The following SNX13 variants were observed in gnomAD, a reference collection of about 807,000 sequenced individuals.
The protein encoded by SNX13 is sorting nexin-13.
SNX13 carries 45 observed loss-of-function variants against 133.6 expected under a neutral mutation model. The ratio of observed to expected loss-of-function variants is 0.34; its 90% confidence interval spans 0.27 to 0.43. The LOEUF is 0.43. Ranked by LOEUF, SNX13 falls within the 20% of genes least tolerant of loss-of-function variation. SNX13 has a pLI of 1.00. For synonymous variants in SNX13, 414 were observed against 373.9 expected (o/e 1.11, Z -1.24); for missense variants, 1,032 against 1,145.1 (o/e 0.90, Z 1.43).
At chr7:17,818,124 C>A (rs945761673) in intron 18 of SNX13, among the ~76,000 whole-genome samples, 2 of 152,154 alleles carry the variant, frequency 1.3e-5, no homozygotes, top group African/African-American at 4.8e-5. Flanking sequence ...ACCCTACCAT[C>A]TACAAGCCAA....
chr7:17,816,374 T>C (rs767562537), intron 18 of SNX13, 85 bp from the exon 19 acceptor site: 10 of 1,444,738 alleles, frequency 6.9e-6, no homozygotes, highest in Middle Eastern at 1.9e-4. Context: ...ATTAAAAACA[T>C]CTTCAGGCCA....
intron 22 of SNX13, among the ~76,000 whole-genome samples, chr7:17,799,482 A>T (rs1784397776): frequency 6.6e-6 from 1 of 151,764 alleles, no homozygotes; most frequent in Non-Finnish European, 1.5e-5. Context: ...TGATAAGGCA[A>T]ATGCTAGACC....
At chr7:17,881,593 G>C (rs1795356500) in intron 5 of SNX13, 1 of 152,014 alleles carries the variant, frequency 6.6e-6, no homozygotes, top group Non-Finnish European at 1.5e-5. Context: ...AAGGCCTTTT[G>C]ATCAACTGAC....
intron 11 of SNX13, among the ~76,000 whole-genome samples, chr7:17,848,988 CCAGTGCATT>C: frequency 6.6e-6 from 1 of 152,314 alleles, no homozygotes; most frequent in South Asian, 2.1e-4. Flanking sequence ...GACCAAGTCA[CCAGTGCATT>C]CCTACTTACA....
intron 1 of SNX13, among the ~76,000 whole-genome samples, chr7:17,929,692 T>G (rs1801171017): frequency 6.6e-6 from 1 of 152,180 alleles, no homozygotes; most frequent in African/African-American, 2.4e-5. Context: ...AAGCATAATA[T>G]GCAAGTGTAC....
intron 18 of SNX13, among the ~76,000 whole-genome samples, chr7:17,819,520 C>T (rs1273919350): frequency 6.6e-6 from 1 of 152,158 alleles, no homozygotes; most frequent in Non-Finnish European, 1.5e-5. Flanking sequence ...AGGCACCGCG[C>T]TTGGCATTGG....
intron 20 of SNX13, among the ~76,000 whole-genome samples, chr7:17,813,431 G>T (rs2128296595): frequency 6.6e-6 from 1 of 152,238 alleles, no homozygotes; most frequent in East Asian, 1.9e-4. Flanking sequence ...CCACACCCTA[G>T]AACTTATTAT....
chr7:17,912,415 C>CTT (rs34849896), intron 1 of SNX13, among the ~76,000 whole-genome samples: 12,097 of 147,742 alleles, frequency 0.082, 540 homozygotes, highest in South Asian at 0.15. Context: ...GAGGAAAATG[C>CTT]TTTTTTTTTT....
At chr7:17,895,471 A>G (rs902589562) in intron 2 of SNX13, among the ~76,000 whole-genome samples, 113 of 152,330 alleles carry the variant, frequency 7.4e-4, no homozygotes, top group African/African-American at 2.7e-3. Context: ...AACACTTGAC[A>G]AGAATAAACT....
intron 9 of SNX13, among the ~76,000 whole-genome samples, chr7:17,853,163 G>C (rs1052127935): frequency 1.3e-5 from 2 of 152,178 alleles, no homozygotes; most frequent in Admixed American, 6.5e-5. Flanking sequence ...ACCAGTGTAG[G>C]TTTCTTTTTT....
intron 2 of SNX13, among the ~76,000 whole-genome samples, chr7:17,895,543 T>C (rs1189542493): frequency 2.0e-5 from 3 of 152,170 alleles, no homozygotes; most frequent in East Asian, 1.9e-4. Flanking sequence ...GACCCTACCA[T>C]GTGACTCTTA....
chr7:17,920,919 T>C (rs751063319), intron 1 of SNX13, among the ~76,000 whole-genome samples: 15 of 152,146 alleles, frequency 9.9e-5, no homozygotes, highest in Non-Finnish European at 1.6e-4. Context: ...AGTAAAGAAA[T>C]AGTAAAGGCT....
At chr7:17,865,821 C>T (rs1210307058) in intron 9 of SNX13, among the ~76,000 whole-genome samples, 1 of 152,076 alleles carries the variant, frequency 6.6e-6, no homozygotes, top group Non-Finnish European at 1.5e-5. Flanking sequence ...ATAGAGAACA[C>T]AGAAATAAAC....
rs535350696 is a variant in SNX13 at position 17,858,586 on chromosome 7, T to C, written c.838-7622A>G. On this transcript the variant is annotated intron_variant, in intron 9 of 25. Coordinates refer to ENST00000428135, the MANE Select transcript of SNX13 (RefSeq NM_015132.5). ...CCTAAATTCATCTATAGATTCAATG[T>C]AATCACAGTTAAAATTCTAATAGGT... Among the ~76,000 whole-genome samples the C allele has an allele frequency of 3.3e-5, 5 of 152,214 alleles. No individual in the cohort carries two copies. The South Asian group carries it at 1.0e-3, about 32-fold the overall frequency.
chr7:17,929,527 A>T (rs10244826), intron 1 of SNX13, among the ~76,000 whole-genome samples: 5,586 of 151,618 alleles, frequency 0.037, 323 homozygotes, highest in African/African-American at 0.13. Flanking sequence ...ACATATTTTT[A>T]AAAAAAAAGA....
chr7:17,889,067 T>A (rs146554394), intron 5 of SNX13: 244 of 167,166 alleles, frequency 1.5e-3, no homozygotes, highest in African/African-American at 5.5e-3. Context: ...AGTGTTGCTA[T>A]AGAAAGCAAT....
intron 1 of SNX13, among the ~76,000 whole-genome samples, chr7:17,901,257 G>A (rs909267066): frequency 4.6e-5 from 7 of 152,046 alleles, no homozygotes; most frequent in East Asian, 1.9e-4. Flanking sequence ...AGTCTTTCCC[G>A]GACCTGCAAG....
intron 25 of SNX13, chr7:17,796,368 T>C (rs1784055731): frequency 6.5e-6 from 1 of 152,810 alleles, no homozygotes; most frequent in Non-Finnish European, 1.5e-5. Context: ...AAATAACTTG[T>C]TTTCCTAAGT....
intron 9 of SNX13, among the ~76,000 whole-genome samples, chr7:17,858,007 T>C (rs767255381): frequency 1.3e-5 from 2 of 152,182 alleles, no homozygotes; most frequent in African/African-American, 4.8e-5. Context: ...CTCAAAATAT[T>C]AGGTATAGAA....
Sources: allele counts gnomAD v4.1 joint callset (sites outside exome capture counted in the v4.1 genomes callset), GRCh38; gene constraint gnomAD v4.1.1; transcripts MANE v1.5; gene names NCBI Gene and HGNC (gene_info 2026-07-23, HGNC 2026-07-21).